The following RAB3GAP1 variants were observed in gnomAD, a reference collection of about 807,000 sequenced individuals.
RAB3GAP1 encodes the protein RAB3 GTPase activating protein catalytic subunit 1.
A neutral mutation model predicts 130.7 loss-of-function variants in RAB3GAP1; 86 were observed. That is an observed-to-expected ratio of 0.66 (90% CI 0.55 to 0.79). The LOEUF (loss-of-function observed/expected upper bound fraction) is 0.79. RAB3GAP1 is among the 30% of genes least tolerant of loss of function. The pLI is 0.00. For synonymous variants in RAB3GAP1, 367 were observed against 401.7 expected, an observed-to-expected ratio of 0.91 and a Z score of 1.03; for missense variants, 1,029 against 1,169.4, an observed-to-expected ratio of 0.88 and a Z score of 1.75.
At chr2:135,139,465 C>T (rs988906977) in intron 17 of RAB3GAP1, among the ~76,000 whole-genome samples, 3 of 151,562 alleles carry the variant, frequency 2.0e-5, no homozygotes, top group African/African-American at 4.9e-5. Flanking sequence ...GGCTTGGGTC[C>T]GGGAGGCAGA....
downstream of RAB3GAP1, among the ~76,000 whole-genome samples, chr2:135,172,682 C>T (rs910083163): frequency 9.2e-5 from 14 of 152,170 alleles, no homozygotes; most frequent in Non-Finnish European, 1.9e-4. Flanking sequence ...GTGAATGATG[C>T]TGTCATTTAC....
intron 6 of RAB3GAP1, among the ~76,000 whole-genome samples, chr2:135,113,582 A>T (rs1690882513): frequency 1.3e-5 from 2 of 152,152 alleles, no homozygotes; most frequent in Admixed American, 6.5e-5. Flanking sequence ...GCATGCACAA[A>T]TGAAGCAAAC....
chr2:135,127,328 G>A (rs1691380998), intron 11 of RAB3GAP1, among the ~76,000 whole-genome samples: 1 of 148,988 alleles, frequency 6.7e-6, no homozygotes. Context: ...GAAGAGCACT[G>A]TTTTGTTTGT....
At chr2:135,126,497 GT>G in intron 10 of RAB3GAP1, 85 bp from the exon 11 acceptor site, 1 of 1,281,866 alleles carries the variant, frequency 7.8e-7, no homozygotes, top group East Asian at 2.3e-5. Context: ...GTCCTTCTAT[GT>G]TTTCATTAGA....
intron 5 of RAB3GAP1, among the ~76,000 whole-genome samples, chr2:135,099,311 T>C (rs1690385171): frequency 6.6e-6 from 1 of 152,132 alleles, no homozygotes; most frequent in African/African-American, 2.4e-5. Context: ...CTGCTTAAAT[T>C]GATATGATTT....
intron 3 of RAB3GAP1, among the ~76,000 whole-genome samples, chr2:135,066,077 AT>A (rs1689315746): frequency 6.6e-6 from 1 of 151,884 alleles, no homozygotes; most frequent in African/African-American, 2.4e-5. Flanking sequence ...CCCGCCAGTA[AT>A]TTTTAAGAGT....
At chr2:135,118,189 A>T (rs1014616983) in intron 7 of RAB3GAP1, among the ~76,000 whole-genome samples, 4 of 152,104 alleles carry the variant, frequency 2.6e-5, no homozygotes, top group African/African-American at 9.7e-5. Context: ...TGATCTTCAG[A>T]TCTTTTATGT....
chr2:135,158,481 T>C (rs961729514), intron 19 of RAB3GAP1, among the ~76,000 whole-genome samples: 3 of 152,168 alleles, frequency 2.0e-5, no homozygotes, highest in Admixed American at 6.5e-5. Context: ...GGAATGATTA[T>C]AAACCGTTGG....
intron 7 of RAB3GAP1, among the ~76,000 whole-genome samples, chr2:135,117,711 GCTT>G (rs1321223336): frequency 0.026 from 569 of 21,574 alleles, no homozygotes; most frequent in African/African-American, 0.066. Context: ...TTCTGCTTCT[GCTT>G]CTTCTTCTGC....
At chr2:135,063,712 C>T (rs1308997071) in intron 3 of RAB3GAP1, among the ~76,000 whole-genome samples, 1 of 152,124 alleles carries the variant, frequency 6.6e-6, no homozygotes, top group Non-Finnish European at 1.5e-5. Context: ...TTTTGTTTAT[C>T]TGTTCATCTG....
intron 8 of RAB3GAP1, among the ~76,000 whole-genome samples, chr2:135,121,537 GT>G (rs1453089483): frequency 1.3e-5 from 2 of 152,104 alleles, no homozygotes; most frequent in African/African-American, 4.8e-5. Context: ...GAAAAGCTCA[GT>G]TTCATGGACA....
intron 5 of RAB3GAP1, among the ~76,000 whole-genome samples, chr2:135,106,090 G>A (rs961000088): frequency 7.2e-5 from 11 of 151,736 alleles, no homozygotes; most frequent in South Asian, 2.1e-4. Flanking sequence ...CGCCCCATCC[G>A]GGAGGTGGGG....
chr2:135,172,259 GTC>G (rs1161041421), downstream of RAB3GAP1, among the ~76,000 whole-genome samples: 2 of 151,126 alleles, frequency 1.3e-5, no homozygotes, highest in African/African-American at 4.9e-5. Context: ...GTGAAACCCC[GTC>G]TCTATTAAAA....
At chr2:135,104,927 A>T (rs922216515) in intron 5 of RAB3GAP1, among the ~76,000 whole-genome samples, 1 of 152,176 alleles carries the variant, frequency 6.6e-6, no homozygotes, top group South Asian at 2.1e-4. Flanking sequence ...TGGAAACTCC[A>T]GAGTTGAAAA....
intron 7 of RAB3GAP1, 113 bp downstream of exon 7, chr2:135,115,494 CT>C: frequency 9.3e-7 from 1 of 1,076,794 alleles, no homozygotes; most frequent in Non-Finnish European, 1.3e-6. Flanking sequence ...AATGTAATTG[CT>C]TAGAAGAAAG....
At chr2:135,137,833 GT>G (rs545102535) in intron 17 of RAB3GAP1, among the ~76,000 whole-genome samples, 8 of 145,908 alleles carry the variant, frequency 5.5e-5, no homozygotes, top group Admixed American at 6.8e-5. Flanking sequence ...TTTTTTTGTT[GT>G]TTTTTTTTTG....
At chr2:135,065,927 T>C (rs1460529073) in intron 3 of RAB3GAP1, among the ~76,000 whole-genome samples, 1 of 151,942 alleles carries the variant, frequency 6.6e-6, no homozygotes, top group Non-Finnish European at 1.5e-5. Context: ...TGCGCCACCA[T>C]GCCCAGCTAA....
downstream of RAB3GAP1, among the ~76,000 whole-genome samples, chr2:135,175,150 A>G (rs935614): frequency 0.2 from 30,260 of 152,230 alleles, 4,045 homozygotes; most frequent in African/African-American, 0.35. Context: ...ACCCTGAATA[A>G]GTGTGTAGGC....
chr2:135,068,986 A>G (rs1246827501), intron 3 of RAB3GAP1, among the ~76,000 whole-genome samples: 1 of 152,222 alleles, frequency 6.6e-6, no homozygotes, highest in Non-Finnish European at 1.5e-5. Context: ...AAATAAGTTA[A>G]CAAAGCCATA....
Sources: gnomAD v4.1 joint callset for allele counts (sites outside exome capture counted in the v4.1 genomes callset) on GRCh38, gnomAD v4.1.1 for gene constraint, MANE v1.5 for transcripts, NCBI Gene and HGNC (gene_info 2026-07-23, HGNC 2026-07-21) for gene names.